NOSIP: variants seen among roughly 807,000 people sequenced by gnomAD.
NOSIP encodes the protein nitric oxide synthase-interacting protein.
NOSIP carries 25 observed loss-of-function variants against 36.4 expected under a neutral mutation model. That is an observed-to-expected ratio of 0.69 (90% CI 0.50 to 0.96). The LOEUF (loss-of-function observed/expected upper bound fraction) is 0.96, where lower values mean the gene tolerates loss of function less well. Among genes scored for constraint, NOSIP ranks in the 40% least tolerant of loss-of-function variants. The pLI, the probability that NOSIP is intolerant of heterozygous loss-of-function variation, is 0.00. For missense variants in NOSIP, 370 were observed against 429.0 expected (o/e 0.86, Z 1.21); for synonymous variants, 187 against 179.2 (o/e 1.04, Z -0.35).
At chr19:49,565,926 T>A (rs148946256) in intron 1 of NOSIP, among the ~76,000 whole-genome samples, 66 of 152,306 alleles carry the variant, frequency 4.3e-4, no homozygotes, top group African/African-American at 1.6e-3. Flanking sequence ...TGGACAGACA[T>A]CCTTGTCCAC....
At position 49,557,231 on chromosome 19, in the gene NOSIP, C is replaced by G. The variant is rs1309230211; in HGVS notation, c.277G>C (p.Gly93Arg). 1 of 1,591,552 alleles carries G rather than the reference C, an allele frequency of 6.3e-7. No individual in the cohort carries two copies. Among genetic ancestry groups the G allele is most frequent in the Non-Finnish European group, 8.5e-7 (1 of 1,169,988 alleles). The change falls in exon 5 of 9, where the codon GGC (glycine) becomes CGC (arginine). Residue 93 changes from glycine to arginine, a missense_variant. Transcript: ENST00000596358. ...TCCTTCTGCTCCTCGCGCCGGGTGC[C>G]CCGCTGCTTCTCGTAGGCCTGCGTC... ...RQMKAYEKQRGTRREEQKELQ... is the reference protein window; with the variant it reads ...RQMKAYEKQRRTRREEQKELQ...
chr19:49,575,080 G>A (rs1482029325), intron 1 of NOSIP, among the ~76,000 whole-genome samples: 2 of 151,982 alleles, frequency 1.3e-5, no homozygotes, highest in Admixed American at 6.6e-5. Flanking sequence ...AGCCAGGATG[G>A]TCTCTATCTC....
intron 3 of NOSIP, 27 bp from the exon 4 acceptor site, chr19:49,559,005 GA>G: frequency 6.3e-7 from 1 of 1,591,440 alleles, no homozygotes; most frequent in South Asian, 1.1e-5. Context: ...CAATGAGAAA[GA>G]AAGAAAGTGA....
At chr19:49,566,764 C>T (rs1362092049) in intron 1 of NOSIP, 1 of 150,372 alleles carries the variant, frequency 6.7e-6, no homozygotes, top group African/African-American at 2.5e-5. Context: ...TTCACTTGAC[C>T]AGCCTTAAAA....
chr19:49,573,084 T>C (rs2080507522), intron 1 of NOSIP, among the ~76,000 whole-genome samples: 1 of 151,046 alleles, frequency 6.6e-6, no homozygotes, highest in South Asian at 2.1e-4. Context: ...CCACTGAATA[T>C]CACAGCACCT....
chr19:49,570,233 G>C (rs2080467431), intron 1 of NOSIP, among the ~76,000 whole-genome samples: 1 of 152,088 alleles, frequency 6.6e-6, no homozygotes, highest in Admixed American at 6.6e-5. Context: ...CCAGAAGTTG[G>C]GGTGGGGAGC....
At position 49,560,199 on chromosome 19, in the gene NOSIP, C is replaced by A; in HGVS notation, c.71-160G>T. ...AGCCGCTGCCTGTGTGCTGGGGCCA[C>A]GGGCTGAACCCACAGGGAGTTGTCA... On this transcript the variant is annotated intron_variant, in intron 2 of 8. Transcript: ENST00000596358. The surrounding 1 kb of genome is among the most constrained non-coding windows in gnomAD (Gnocchi z 4.6). 1 of 606,386 alleles carries A rather than the reference C, an allele frequency of 1.6e-6. No homozygotes were observed. The highest frequency in any genetic ancestry group is 2.9e-6 in the Non-Finnish European group (1 of 339,748). 37.6% of individuals were successfully genotyped at this position (606,386 alleles called of 1,614,324 possible).
chr19:49,576,590 A>G (rs1211552553), intron 1 of NOSIP, among the ~76,000 whole-genome samples: 7 of 147,014 alleles, frequency 4.8e-5, no homozygotes, highest in South Asian at 4.3e-4. Flanking sequence ...GTCTCTGGGG[A>G]AAAAAAAAAA....
intron 1 of NOSIP, among the ~76,000 whole-genome samples, chr19:49,566,253 C>T (rs1322061913): frequency 2.0e-5 from 3 of 152,148 alleles, no homozygotes; most frequent in Non-Finnish European, 4.4e-5. Context: ...ATCTCCTGAC[C>T]TCGTGATCCG....
At chr19:49,556,134 CGG>C (rs2080237427) in intron 8 of NOSIP, among the ~76,000 whole-genome samples, 181 bp downstream of exon 8, 2 of 53,562 alleles carry the variant, frequency 3.7e-5, no homozygotes, top group African/African-American at 1.4e-4. Flanking sequence ...CCTAGGAGAG[CGG>C]AGGGGGGGAA....
chr19:49,568,827 A>G (rs965451549), intron 1 of NOSIP, among the ~76,000 whole-genome samples: 1 of 142,238 alleles, frequency 7.0e-6, no homozygotes, highest in South Asian at 2.2e-4. Context: ...TTTTTGAGAC[A>G]GAGTCTTGCT....
At position 49,556,625 on chromosome 19, in the gene NOSIP, G is replaced by C. The variant is rs767271460; in HGVS notation, c.649C>G (p.Arg217Gly). 1 of 1,609,042 alleles carries C rather than the reference G, an allele frequency of 6.2e-7. No individual in the cohort carries two copies. The highest frequency in any genetic ancestry group is 1.3e-5 in the African/African-American group (1 of 75,030). ...SSVDRVGLIT[R>G]SERYVCAVTR... Reference sequence around the variant, plus strand: ...ACGGCACACACGTAGCGCTCGCTGCGGGTGATGAGCCCCACGCGGTCCACG... The same window carrying C: ...ACGGCACACACGTAGCGCTCGCTGCCGGTGATGAGCCCCACGCGGTCCACG... Residue 217 changes from arginine (R) to glycine (G), a missense_variant, in exon 7 of 9, where the codon CGC (arginine) becomes GGC (glycine). By Grantham distance (125) the Arg-to-Gly change is moderately radical (BLOSUM62 -2). Transcript: ENST00000596358.
chr19:49,569,373 T>A (rs1262361077), intron 1 of NOSIP, among the ~76,000 whole-genome samples: 2 of 148,964 alleles, frequency 1.3e-5, no homozygotes, highest in African/African-American at 2.5e-5. Context: ...TTTTTTATTT[T>A]TTTTTTAGTA....
chr19:49,572,089 A>G (rs2080492238), intron 1 of NOSIP, among the ~76,000 whole-genome samples: 1 of 150,214 alleles, frequency 6.7e-6, no homozygotes, highest in African/African-American at 2.4e-5. Context: ...AGTAATTCAG[A>G]TGCTAAATTT....
In NOSIP at chr19:49,560,038, C is replaced by A. The variant is rs149618546; in HGVS notation, c.72G>T (p.Ala24=). Reference sequence around the variant, plus strand: ...TGTTCTGGGTCCCATAGCCCGAGGCCGCTGGGGACAGAGATGGGCAGAGTG... The same window carrying A: ...TGTTCTGGGTCCCATAGCCCGAGGCAGCTGGGGACAGAGATGGGCAGAGTG... The part of the protein sequence containing the change: ...YTYHEKKKDT[A]ASGYGTQNIR... The change falls in exon 3 of 9, where the codon GCG becomes GCT. Residue 24 remains alanine, a splice_region_variant and synonymous_variant. Coordinates refer to ENST00000596358, the MANE Select transcript of NOSIP (RefSeq NM_001270960.2). This position sits in a 1 kb window ranked among gnomAD's most constrained non-coding sequence, Gnocchi z 4.6. 523 of 1,610,462 alleles carry A rather than the reference C, an allele frequency of 3.2e-4. 1 individual carries two copies. Among genetic ancestry groups the A allele is most frequent in the Middle Eastern group, 2.8e-3 (17 of 6,046 alleles).
intron 1 of NOSIP, among the ~76,000 whole-genome samples, chr19:49,562,288 A>G (rs1321691696): frequency 6.6e-6 from 1 of 151,966 alleles, no homozygotes; most frequent in Non-Finnish European, 1.5e-5. Flanking sequence ...CGCCTGGCTA[A>G]TTTTTTTGTA....
chr19:49,575,293 G>A (rs1016185281), intron 1 of NOSIP, among the ~76,000 whole-genome samples: 3 of 152,256 alleles, frequency 2.0e-5, no homozygotes, highest in East Asian at 1.9e-4. Flanking sequence ...GCCACCATGC[G>A]CAGCCTCCTC....
chr19:49,578,212 C>T (rs2080579170), intron 1 of NOSIP, among the ~76,000 whole-genome samples: 1 of 151,848 alleles, frequency 6.6e-6, no homozygotes, highest in Non-Finnish European at 1.5e-5. Flanking sequence ...CAACCTCTGT[C>T]CCTAGGGTTC....
intron 1 of NOSIP, among the ~76,000 whole-genome samples, chr19:49,565,630 C>A (rs1057499723): frequency 6.6e-6 from 1 of 151,868 alleles, no homozygotes; most frequent in Non-Finnish European, 1.5e-5. Flanking sequence ...TGGTGGCACA[C>A]GCCTGTAATC....
Sources: gnomAD v4.1 joint callset for allele counts (sites outside exome capture counted in the v4.1 genomes callset) on GRCh38, gnomAD v4.1.1 for gene constraint, Gnocchi (gnomAD v3.1) non-coding constraint, MANE v1.5 for transcripts, NCBI Gene and HGNC (gene_info 2026-07-23, HGNC 2026-07-21) for gene names.